WDR81: variants seen among roughly 807,000 people sequenced by gnomAD.
WDR81 encodes WD repeat-containing protein 81.
A neutral mutation model predicts 140.8 loss-of-function variants in WDR81; 92 were observed. That is an observed-to-expected ratio of 0.65 (90% CI 0.55 to 0.78). The LOEUF (loss-of-function observed/expected upper bound fraction) is 0.78. Among genes scored for constraint, WDR81 ranks in the 30% least tolerant of loss-of-function variants. The pLI is 0.00. For synonymous variants in WDR81, 1,183 were observed against 1,156.4 expected, an observed-to-expected ratio of 1.02 and a Z score of -0.47; for missense variants, 2,502 against 2,636.4, an observed-to-expected ratio of 0.95 and a Z score of 1.12.
Position 1,725,116 on chromosome 17 carries a change from C to G in WDR81, c.157C>G (p.His53Asp). ...GCTGGCTCCGGCCCCGGGGGGCACC[C>G]ACGTGGTGGCCCTAGTGCCTGCGCG... ...RQLAPAPGGT[H>D]VVALVPARWL... The change falls in exon 1 of 10, where the codon CAC becomes GAC. Residue 53 changes from histidine (H) to aspartate (D), a missense_variant. Transcript: ENST00000409644. 6.6e-7 allele frequency: 1 copy of G among 1,518,368 alleles called. No individual in the cohort carries two copies. Among genetic ancestry groups the G allele is most frequent in the Non-Finnish European group, 8.8e-7 (1 of 1,134,612 alleles). 94.1% of individuals were successfully genotyped at this position (1,518,368 alleles called of 1,614,324 possible). A position where few individuals can be genotyped will look rare whatever the true frequency, so the allele number is the denominator to read the frequency against.
chr17:1,723,418 T>TTTGG, upstream of WDR81, among the ~76,000 whole-genome samples: 2 of 148,998 alleles, frequency 1.3e-5, no homozygotes, highest in Admixed American at 6.7e-5. Flanking sequence ...TATTTATTTA[T>TTTGG]TTTTATTTAT....
Position 1,724,902 on chromosome 17 carries a change from C to T in WDR81, c.-58C>T. ...GCCGGCCTGGCACCCCGGAAGCCGTCGCCAGCAGGGCCGTGGCTGGGCTCA... is the reference window on the plus strand; with the variant it reads ...GCCGGCCTGGCACCCCGGAAGCCGTTGCCAGCAGGGCCGTGGCTGGGCTCA... On this transcript the variant is annotated 5_prime_UTR_variant, in exon 1 of 10. Transcript: ENST00000409644. 1 of 1,289,768 alleles carries T rather than the reference C, an allele frequency of 7.8e-7. No homozygotes were observed. Among genetic ancestry groups the T allele is most frequent in the Non-Finnish European group, 9.8e-7 (1 of 1,021,310 alleles). 79.9% of individuals were successfully genotyped at this position (1,289,768 alleles called of 1,614,324 possible).
rs1440309755 is a variant in WDR81 at position 1,736,240 on chromosome 17, C to A, written c.5505+22C>A. 2.5e-6 allele frequency: 4 copies of A among 1,586,718 alleles called. No individual in the cohort carries two copies. The Admixed American group carries it at 5.1e-5, about 20-fold the overall frequency. On this transcript the variant is annotated intron_variant, in intron 9 of 9. Coordinates refer to ENST00000409644, the MANE Select transcript of WDR81 (RefSeq NM_001163809.2). ...CAAGGTGACGGGCCGGGTCTCCCTC[C>A]CCTTGCTGCCCAACCCCCGCCCCTG...
In WDR81 at chr17:1,730,003, A is replaced by AAG. The variant is rs1555563755; in HGVS notation, c.3668-376_3668-375insGA. On this transcript the variant is annotated intron_variant, in intron 1 of 9. Coordinates refer to ENST00000409644, the MANE Select transcript of WDR81 (RefSeq NM_001163809.2). ...GAGACTCTGTCTCAAAAAAAAAAAAAAAGAAGAAGAAGAAGAAGAGAAGCA... is the reference window on the plus strand; with the variant it reads ...GAGACTCTGTCTCAAAAAAAAAAAAAAGAAGAAGAAGAAGAAGAAGAGAAGCA... Among the ~76,000 whole-genome samples, 532 of 145,052 alleles carry AAG rather than the reference A, an allele frequency of 3.7e-3. 4 individuals are homozygous for AAG. The highest frequency in any genetic ancestry group is 0.011 in the African/African-American group (451 of 39,368).
At position 1,726,915 on chromosome 17, in the gene WDR81, G is replaced by A. The variant is rs1385311611; in HGVS notation, c.1956G>A (p.Pro652=). Residue 652 remains proline, a synonymous_variant, in exon 1 of 10, where the codon CCG becomes CCA. Transcript: ENST00000409644. ...PCEASWTRDR[P]VAGEDDLEQA... Reference sequence around the variant, plus strand: ...AGGCTAGCTGGACCAGAGACAGGCCGGTGGCAGGAGAAGACGACTTGGAAC... The same window carrying A: ...AGGCTAGCTGGACCAGAGACAGGCCAGTGGCAGGAGAAGACGACTTGGAAC... The A allele has an allele frequency of 2.6e-6, 4 of 1,550,312 alleles. No homozygotes were observed. The highest frequency in any genetic ancestry group is 2.4e-5 in the South Asian group (2 of 84,066).
intron 6 of WDR81, chr17:1,733,120 G>C (rs1033861861): frequency 2.1e-6 from 1 of 478,792 alleles, no homozygotes; most frequent in Non-Finnish European, 3.7e-6. Flanking sequence ...GAGGGAAGGA[G>C]TGGCCTCCTG....
chr17:1,732,963 T>TCCC, intron 6 of WDR81, 132 bp downstream of exon 6: 1 of 1,232,616 alleles, frequency 8.1e-7, no homozygotes, highest in Non-Finnish European at 1.1e-6. Flanking sequence ...AGCAAAGGGA[T>TCCC]TTGGCCTCAG....
chr17:1,730,614 C>A, intron 2 of WDR81, 127 bp downstream of exon 2: 1 of 1,402,972 alleles, frequency 7.1e-7, no homozygotes, highest in South Asian at 1.4e-5. Context: ...GGTGCTGGGT[C>A]CCAGTCTAAG....
rs1207654791 is a variant in WDR81, at chr17:1,728,315, T to C, written c.3356T>C (p.Leu1119Pro). Residue 1119 changes from leucine to proline, a missense_variant, in exon 1 of 10, where the codon CTG becomes CCG. By Grantham distance (98) the Leu-to-Pro change is moderately conservative. Coordinates refer to ENST00000409644, the MANE Select transcript of WDR81 (RefSeq NM_001163809.2). Reference sequence around the variant, plus strand: ...AAGAGCAGCACCAGCGAGACCTCCCTGGGTGAGGAGCGGGCTCCAGACGAG... The same window carrying C: ...AAGAGCAGCACCAGCGAGACCTCCCCGGGTGAGGAGCGGGCTCCAGACGAG... The part of the protein sequence containing the change: ...SDKSSTSETS[L>P]GEERAPDEGG... 6.2e-7 allele frequency: 1 copy of C among 1,612,616 alleles called. No individual in the cohort carries two copies. The highest frequency in any genetic ancestry group is 1.1e-5 in the South Asian group (1 of 91,068).
In WDR81 at chr17:1,725,094, G is replaced by A; in HGVS notation, c.135G>A (p.Leu45=). 6.7e-7 allele frequency: 1 copy of A among 1,502,360 alleles called. No homozygotes were observed. The highest frequency in any genetic ancestry group is 2.1e-5 in the Admixed American group (1 of 46,974). The allele number at this position is 1,502,360 out of a possible 1,614,324, so 93.1% of individuals were successfully genotyped here. A position where few individuals can be genotyped will look rare whatever the true frequency, so the allele number is the denominator to read the frequency against. The change falls in exon 1 of 10, where the codon CTG becomes CTA. Residue 45 remains leucine, a synonymous_variant. Coordinates refer to ENST00000409644, the MANE Select transcript of WDR81 (RefSeq NM_001163809.2). ...ERDLSIDPRQ[L]APAPGGTHVV... ...ACCTGAGCATCGATCCCAGGCAGCT[G>A]GCTCCGGCCCCGGGGGGCACCCACG...
At chr17:1,734,279 A>T in intron 7 of WDR81, 63 bp downstream of exon 7, 1 of 1,455,046 alleles carries the variant, frequency 6.9e-7, no homozygotes, top group Non-Finnish European at 9.0e-7. Flanking sequence ...GCCTCCAGGA[A>T]GGGGGCCCGA....
Position 1,725,284 on chromosome 17 carries a change from G to C in WDR81, c.325G>C (p.Gly109Arg), listed in dbSNP as rs1297950232. ...PAGWTRVEVH[G>R]LRKRRLSYPL... ...CGGCTGGACGCGCGTGGAGGTGCAT[G>C]GGCTGCGGAAGCGGAGACTGTCCTA... The change falls in exon 1 of 10, where the codon GGG becomes CGG. Residue 109 changes from glycine to arginine, a missense_variant. Gly to Arg is a moderately radical substitution (Grantham distance 125, BLOSUM62 -2). Coordinates refer to ENST00000409644, the MANE Select transcript of WDR81 (RefSeq NM_001163809.2). The C allele has an allele frequency of 1.9e-6, 3 of 1,546,740 alleles. No individual in the cohort carries two copies. The Admixed American group carries it at 5.9e-5, about 30-fold the overall frequency.
At position 1,727,755 on chromosome 17, in the gene WDR81, G is replaced by A. The variant is rs988532133; in HGVS notation, c.2796G>A (p.Met932Ile). 20 of 1,550,616 alleles carry A rather than the reference G, an allele frequency of 1.3e-5. No individual in the cohort carries two copies. Among genetic ancestry groups the A allele is most frequent in the East Asian group, 2.4e-5 (1 of 40,930 alleles). Residue 932 changes from methionine (M) to isoleucine (I), a missense_variant, in exon 1 of 10, where the codon ATG becomes ATA. Met to Ile is a conservative substitution (Grantham distance 10). Coordinates refer to ENST00000409644, the MANE Select transcript of WDR81 (RefSeq NM_001163809.2). Reference protein sequence around the residue: ...EILLPFVLSLMSEEHTAVYTA... With the variant: ...EILLPFVLSLISEEHTAVYTA... ...TGCTGCCCTTCGTGCTCTCACTCAT[G>A]TCCGAGGAGCACACAGCTGTGTACA...
chr17:1,727,987 C>G lies in WDR81; in HGVS notation c.3028C>G (p.Gln1010Glu), dbSNP rs1205640218. Residue 1010 changes from glutamine to glutamate, a missense_variant, in exon 1 of 10, where the codon CAG (glutamine) becomes GAG (glutamate). Coordinates refer to ENST00000409644, the MANE Select transcript of WDR81 (RefSeq NM_001163809.2). ...CACTCACCTGCTGCCCCATGTCCTG[C>G]AGGTGCTGGCGGGCGCAGAGGCCTC... ...FLTHLLPHVL[Q>E]VLAGAEASQE... 3 of 1,550,468 alleles carry G rather than the reference C, an allele frequency of 1.9e-6. No homozygotes were observed. Among genetic ancestry groups the G allele is most frequent in the Non-Finnish European group, 2.6e-6 (3 of 1,147,084 alleles).
At position 1,725,775 on chromosome 17, in the gene WDR81, C is replaced by A; in HGVS notation, c.816C>A (p.Asp272Glu). 1.3e-6 allele frequency: 2 copies of A among 1,550,624 alleles called. No individual in the cohort carries two copies. Among genetic ancestry groups the A allele is most frequent in the Non-Finnish European group, 1.7e-6 (2 of 1,147,012 alleles). The change falls in exon 1 of 10, where the codon GAC becomes GAA. Residue 272 changes from aspartate (D) to glutamate (E), a missense_variant. Coordinates refer to ENST00000409644, the MANE Select transcript of WDR81 (RefSeq NM_001163809.2). ...FILFRVLRAM[D>E]ACHRQGLACG... ...TCTTCCGCGTGCTGAGGGCTATGGA[C>A]GCCTGTCACCGCCAGGGGCTGGCGT...
At chr17:1,729,201 C>T (rs892595215) in intron 1 of WDR81, among the ~76,000 whole-genome samples, 6 of 151,722 alleles carry the variant, frequency 4.0e-5, no homozygotes, top group African/African-American at 9.7e-5. Flanking sequence ...GCTTTTCGGC[C>T]GGGCGCCGTG....
chr17:1,725,313 T>G lies in WDR81; in HGVS notation c.354T>G (p.Pro118=). 1 of 1,548,450 alleles carries G rather than the reference T, an allele frequency of 6.5e-7. No homozygotes were observed. The highest frequency in any genetic ancestry group is 2.0e-5 in the Admixed American group (1 of 51,014). The change falls in exon 1 of 10, where the codon CCT becomes CCG. Residue 118 remains proline, a synonymous_variant. Transcript: ENST00000409644. ...TGCGGAAGCGGAGACTGTCCTACCC[T>G]CTGGGCGGGGGCCTGCCCTTTGAGG... ...HGLRKRRLSY[P]LGGGLPFEDG...
Position 1,733,846 on chromosome 17 carries a change from G to C in WDR81, c.4809G>C (p.Lys1603Asn), listed in dbSNP as rs772183546. 1.2e-5 allele frequency: 19 copies of C among 1,612,566 alleles called. No homozygotes were observed. Among genetic ancestry groups the C allele is most frequent in the Non-Finnish European group, 1.5e-5 (18 of 1,179,888 alleles). Residue 1603 changes from lysine (K) to asparagine (N), a missense_variant, in exon 7 of 10, where the codon AAG becomes AAC. Around this residue, in one of 3 missense-constraint regions of WDR81, gnomAD observed 1,737 missense variants for 1,843.0 expected, o/e 0.94. Transcript: ENST00000409644. ...LGSGSDDNAL[K>N]QELPRSVHGL... Reference sequence around the variant, plus strand: ...GCGGGAGCGACGACAACGCCCTGAAGCAGGAGCTGCCGCGGAGCGTGCACG... The same window carrying C: ...GCGGGAGCGACGACAACGCCCTGAACCAGGAGCTGCCGCGGAGCGTGCACG...
chr17:1,732,946 G>A, intron 6 of WDR81, 115 bp downstream of exon 6: 1 of 1,361,946 alleles, frequency 7.3e-7, no homozygotes, highest in Non-Finnish European at 9.9e-7. Context: ...CCAGCAGGAT[G>A]GGTGAGAGCA....
Sources: allele counts gnomAD v4.1 joint callset (sites outside exome capture counted in the v4.1 genomes callset), GRCh38; gene constraint gnomAD v4.1.1; regional missense constraint gnomAD v4.1.1; transcripts MANE v1.5; gene names NCBI Gene and HGNC (gene_info 2026-07-23, HGNC 2026-07-21).